Variants in CACNB2 observed in about 807,000 individuals in gnomAD.
CACNB2 encodes calcium voltage-gated channel auxiliary subunit beta 2, also known as voltage-dependent L-type calcium channel subunit beta-2.
Under a neutral mutation model 73.3 loss-of-function variants are expected in CACNB2, and 42 were observed. The observed-to-expected ratio is 0.57, with a 90% CI of 0.45 to 0.74. The LOEUF is 0.74. Among genes scored for constraint, CACNB2 ranks in the 30% least tolerant of loss-of-function variants. CACNB2 has a pLI of 0.00. For missense variants in CACNB2, 940 were observed against 853.0 expected, an observed-to-expected ratio of 1.10 and a Z score of -1.27; for synonymous variants, 348 against 310.3, an observed-to-expected ratio of 1.12 and a Z score of -1.28.
At chr10:18,439,901 G>A (rs1161843118) in intron 3 of CACNB2, among the ~76,000 whole-genome samples, 2 of 152,150 alleles carry the variant, frequency 1.3e-5, no homozygotes, top group Non-Finnish European at 2.9e-5. Flanking sequence ...CTAGCTCGGA[G>A]AAATAGGCCA....
intron 2 of CACNB2, among the ~76,000 whole-genome samples, chr10:18,384,240 C>T (rs1490935138): frequency 1.3e-5 from 2 of 152,150 alleles, no homozygotes; most frequent in East Asian, 3.9e-4. Flanking sequence ...GTTTTGAGGG[C>T]AACTTGAATA....
chr10:18,294,011 C>A (rs1564411494), intron 2 of CACNB2, among the ~76,000 whole-genome samples: 1 of 152,170 alleles, frequency 6.6e-6, no homozygotes, highest in Non-Finnish European at 1.5e-5. Flanking sequence ...TGCCACTGGC[C>A]AGTTTCCATT....
intron 3 of CACNB2, among the ~76,000 whole-genome samples, chr10:18,417,609 C>T (rs1035044973): frequency 1.4e-4 from 21 of 151,968 alleles, no homozygotes; most frequent in Admixed American, 2.0e-4. Context: ...CTCAAGTGAT[C>T]CACCTGCCTT....
chr10:18,480,270 A>AT (rs1554827204), intron 3 of CACNB2, among the ~76,000 whole-genome samples: 1 of 122,646 alleles, frequency 8.2e-6, no homozygotes, highest in Non-Finnish European at 1.8e-5. Context: ...ATTCACTTTT[A>AT]ATTGTTTTTT....
intron 2 of CACNB2, among the ~76,000 whole-genome samples, chr10:18,302,502 A>T (rs776182614): frequency 6.6e-6 from 1 of 152,254 alleles, no homozygotes; most frequent in African/African-American, 2.4e-5. Context: ...TACGCAATGG[A>T]ATACTACTCA....
intron 7 of CACNB2, 150 bp downstream of exon 7, chr10:18,514,519 A>C (rs773558424): frequency 1.2e-6 from 2 of 1,614,000 alleles, no homozygotes; most frequent in African/African-American, 1.3e-5. Flanking sequence ...AGCTAAGCAG[A>C]AGCAGAAATC....
chr10:18,286,353 A>G (rs1250927453), intron 2 of CACNB2, among the ~76,000 whole-genome samples: 1 of 151,530 alleles, frequency 6.6e-6, no homozygotes, highest in Non-Finnish European at 1.5e-5. Flanking sequence ...CGTCTCTACT[A>G]AAAAAATACA....
At chr10:18,172,961 C>T (rs1473678948) in intron 2 of CACNB2, among the ~76,000 whole-genome samples, 3 of 113,386 alleles carry the variant, frequency 2.6e-5, no homozygotes, top group Admixed American at 9.9e-5. Context: ...TACTCTGACA[C>T]CCAGGCTGGA....
At chr10:18,357,730 C>T (rs568782585) in intron 2 of CACNB2, among the ~76,000 whole-genome samples, 40 of 152,256 alleles carry the variant, frequency 2.6e-4, no homozygotes, top group African/African-American at 8.9e-4. Flanking sequence ...AGTCAAAGAT[C>T]GTGAGAGGAG....
At chr10:18,499,563 C>T (rs1263947360) in intron 4 of CACNB2, among the ~76,000 whole-genome samples, 1 of 134,314 alleles carries the variant, frequency 7.4e-6, no homozygotes, top group Non-Finnish European at 1.6e-5. Context: ...TGCAGTGAGC[C>T]GAGATTGCGC....
intron 2 of CACNB2, among the ~76,000 whole-genome samples, chr10:18,310,053 G>A (rs952156009): frequency 2.0e-5 from 3 of 152,110 alleles, no homozygotes; most frequent in Admixed American, 6.6e-5. Flanking sequence ...TTTCTAAGCT[G>A]TGTGTAAATA....
intron 2 of CACNB2, among the ~76,000 whole-genome samples, chr10:18,215,945 C>A (rs1243492769): frequency 6.6e-6 from 1 of 152,046 alleles, no homozygotes; most frequent in Non-Finnish European, 1.5e-5. Context: ...GTTATGTAGA[C>A]TTTTAGAATC....
At chr10:18,359,269 TTTTG>T (rs753121625) in intron 2 of CACNB2, among the ~76,000 whole-genome samples, 19 of 152,188 alleles carry the variant, frequency 1.2e-4, no homozygotes, top group South Asian at 1.2e-3. Context: ...TTGTTTTGTT[TTTTG>T]TTTGTTTGTT....
At chr10:18,175,741 G>A (rs989865585) in intron 2 of CACNB2, among the ~76,000 whole-genome samples, 7 of 152,156 alleles carry the variant, frequency 4.6e-5, no homozygotes, top group Non-Finnish European at 5.9e-5. Context: ...GGGATTACAC[G>A]TGCCTGCCAC....
intron 2 of CACNB2, among the ~76,000 whole-genome samples, chr10:18,349,565 A>C (rs1272771422): frequency 6.6e-6 from 1 of 152,180 alleles, no homozygotes; most frequent in Non-Finnish European, 1.5e-5. Context: ...CTGCTAGGTG[A>C]GATGAGCCAG....
At chr10:18,267,259 A>G (rs1440314914) in intron 2 of CACNB2, among the ~76,000 whole-genome samples, 1 of 152,144 alleles carries the variant, frequency 6.6e-6, no homozygotes, top group Non-Finnish European at 1.5e-5. Context: ...TTTTTTCAGA[A>G]CTTTAAATTT....
At chr10:18,529,971 G>C (rs1278531578) in intron 10 of CACNB2, among the ~76,000 whole-genome samples, 1 of 152,156 alleles carries the variant, frequency 6.6e-6, no homozygotes, top group East Asian at 1.9e-4. Context: ...CAGTGAAGGA[G>C]GAGCAAAGTC....
chr10:18,478,320 A>G (rs540358635), intron 3 of CACNB2, among the ~76,000 whole-genome samples: 11 of 152,284 alleles, frequency 7.2e-5, no homozygotes, highest in Non-Finnish European at 1.5e-4. Context: ...CCTGACTTCT[A>G]TTTGACCACA....
intron 3 of CACNB2, among the ~76,000 whole-genome samples, chr10:18,453,882 G>T (rs1314149791): frequency 6.6e-6 from 1 of 152,132 alleles, no homozygotes; most frequent in Non-Finnish European, 1.5e-5. Context: ...TCATTTGCCT[G>T]CCTGAGCCTC....
Sources: allele counts gnomAD v4.1 joint callset (sites outside exome capture counted in the v4.1 genomes callset), GRCh38; gene constraint gnomAD v4.1.1; transcripts MANE v1.5; gene names NCBI Gene and HGNC (gene_info 2026-07-23, HGNC 2026-07-21).